The following TCF3 variants were observed in gnomAD, a reference collection of about 807,000 sequenced individuals.
The protein encoded by TCF3 is transcription factor 3.
A neutral mutation model predicts 72.3 loss-of-function variants in TCF3; 54 were observed. That is an observed-to-expected ratio of 0.75 (90% CI 0.60 to 0.94). The LOEUF (loss-of-function observed/expected upper bound fraction) is 0.94. Among genes scored for constraint, TCF3 ranks in the 40% least tolerant of loss-of-function variants. The pLI, the probability that TCF3 is intolerant of heterozygous loss-of-function variation, is 0.00. For synonymous variants in TCF3, 525 were observed against 412.6 expected (o/e 1.27, Z -3.30); for missense variants, 1,078 against 934.4 (o/e 1.15, Z -2.00).
chr19:1,646,168 C>G (rs2066060208), intron 3 of TCF3, among the ~76,000 whole-genome samples, 187 bp downstream of exon 3: 1 of 152,202 alleles, frequency 6.6e-6, no homozygotes, highest in Non-Finnish European at 1.5e-5. Context: ...GCTCCCAAGG[C>G]AGGTCACACG....
intron 3 of TCF3, among the ~76,000 whole-genome samples, chr19:1,642,275 C>T (rs1222138691): frequency 6.6e-6 from 1 of 151,508 alleles, no homozygotes; most frequent in South Asian, 2.1e-4. Context: ...CGCACGCACA[C>T]GCACAGACGC....
Position 1,615,707 on chromosome 19 carries a change from T to C in TCF3, c.1565A>G (p.Lys522Arg), listed in dbSNP as rs985503610. ...GCACCTGGTCCGGGCCCGGGGGGCC[T>C]TCAGCTCCTTCTTCTCCTCCTCCGA... Reference protein sequence around the residue: ...DHSEEEKKELKAPRARTSPDE... With the variant: ...DHSEEEKKELRAPRARTSPDE... The change falls in exon 17 of 19, where the codon AAG becomes AGG. Residue 522 changes from lysine (K) to arginine (R), a missense_variant. Lys to Arg is a conservative substitution (Grantham distance 26). Coordinates refer to ENST00000262965, the MANE Select transcript of TCF3 (RefSeq NM_003200.5). This position sits in a 1 kb window ranked among gnomAD's most constrained non-coding sequence, Gnocchi z 7.3. The C allele has an allele frequency of 6.2e-7, 1 of 1,613,308 alleles. No homozygotes were observed. The highest frequency in any genetic ancestry group is 8.5e-7 in the Non-Finnish European group (1 of 1,179,598).
intron 3 of TCF3, among the ~76,000 whole-genome samples, chr19:1,645,929 C>G (rs987964795): frequency 1.3e-5 from 2 of 152,158 alleles, no homozygotes; most frequent in South Asian, 2.1e-4. Context: ...TGAAAGTCGT[C>G]GAGGCTCACA....
chr19:1,625,591 C>T lies in TCF3; in HGVS notation c.484G>A (p.Ala162Thr), dbSNP rs1382142436. The T allele has an allele frequency of 1.3e-6, 2 of 1,584,970 alleles. No individual in the cohort carries two copies. Among genetic ancestry groups the T allele is most frequent in the Admixed American group, 1.8e-5 (1 of 56,918 alleles). The change falls in exon 7 of 19, where the codon GCA (alanine) becomes ACA (threonine). Residue 162 changes from alanine (A) to threonine (T), a missense_variant. Coordinates refer to ENST00000262965, the MANE Select transcript of TCF3 (RefSeq NM_003200.5). ...CCCCGCTCACCTAGGCTGCCGTCTGCCGCTCTCCGCCGGGAGCTGCCGGAG... is the reference window on the plus strand; with the variant it reads ...CCCCGCTCACCTAGGCTGCCGTCTGTCGCTCTCCGCCGGGAGCTGCCGGAG... ...SYSGSSRRRAADGSLDTQPKK... is the reference protein window; with the variant it reads ...SYSGSSRRRATDGSLDTQPKK...
At position 1,611,855 on chromosome 19, in the gene TCF3, G is replaced by A. The variant is rs771573342; in HGVS notation, c.1823-6C>T. 3.1e-6 allele frequency: 5 copies of A among 1,608,324 alleles called. No individual in the cohort carries two copies. The highest frequency in any genetic ancestry group is 2.7e-5 in the African/African-American group (2 of 74,418). On this transcript the variant is annotated splice_polypyrimidine_tract_variant and splice_region_variant and intron_variant, in intron 18 of 18. Transcript: ENST00000262965. ...TTTGGGATTCAGGTTCCGCTCTGGA[G>A]GGAGGGGGGAGAGCTCTGTGGGAGA...
intron 16 of TCF3, among the ~76,000 whole-genome samples, chr19:1,617,252 C>T (rs1006993741): frequency 7.2e-5 from 11 of 152,314 alleles, no homozygotes; most frequent in African/African-American, 2.2e-4. Flanking sequence ...GGCAGGAAAG[C>T]GTGATGTTGG....
chr19:1,646,779 G>C (rs2066172627), intron 2 of TCF3, among the ~76,000 whole-genome samples: 1 of 152,212 alleles, frequency 6.6e-6, no homozygotes, highest in South Asian at 2.1e-4. Context: ...CAACTTATCA[G>C]CTCTTGACAG....
At chr19:1,637,288 C>T (rs1316100229) in intron 3 of TCF3, among the ~76,000 whole-genome samples, 2 of 148,892 alleles carry the variant, frequency 1.3e-5, no homozygotes, top group Admixed American at 1.3e-4. Context: ...CCACCAGAAC[C>T]GGGGATGCCT....
chr19:1,638,730 T>TA (rs1180135812), intron 3 of TCF3, among the ~76,000 whole-genome samples: 1 of 152,196 alleles, frequency 6.6e-6, no homozygotes, highest in African/African-American at 2.4e-5. Context: ...ATCACGGCCT[T>TA]AAACGTGTTA....
intron 5 of TCF3, 168 bp downstream of exon 5, chr19:1,631,870 C>T (rs931764328): frequency 9.9e-6 from 15 of 1,509,810 alleles, no homozygotes; most frequent in Non-Finnish European, 9.8e-6. Context: ...GGCCACGTCC[C>T]CTGCACCTCC....
chr19:1,612,361 C>A (rs547044513), intron 18 of TCF3: 1 of 1,613,832 alleles, frequency 6.2e-7, no homozygotes, highest in Non-Finnish European at 8.5e-7. Flanking sequence ...CCCGCTCCCG[C>A]GCGTTATTGG....
At chr19:1,623,726 CTT>C (rs979569110) in intron 8 of TCF3, among the ~76,000 whole-genome samples, 2 of 152,182 alleles carry the variant, frequency 1.3e-5, no homozygotes, top group Non-Finnish European at 2.9e-5. Context: ...CCAGGACTGC[CTT>C]TCTCTCAAAA....
At chr19:1,651,964 C>T (rs1453101403) in intron 1 of TCF3, among the ~76,000 whole-genome samples, 2 of 151,214 alleles carry the variant, frequency 1.3e-5, no homozygotes, top group Non-Finnish European at 1.5e-5. Context: ...CCCCGTGCGC[C>T]CGGGCTGGGG....
chr19:1,642,373 G>A (rs1008490423), intron 3 of TCF3, among the ~76,000 whole-genome samples: 8 of 152,322 alleles, frequency 5.3e-5, no homozygotes, highest in South Asian at 2.1e-4. Context: ...ATCTGTGGAC[G>A]GCACCAATGT....
chr19:1,647,861 T>C (rs961139173), intron 2 of TCF3, among the ~76,000 whole-genome samples: 4 of 152,154 alleles, frequency 2.6e-5, no homozygotes, highest in African/African-American at 7.2e-5. Context: ...TTTCCTCTTC[T>C]GAGAAATGGA....
intron 3 of TCF3, among the ~76,000 whole-genome samples, chr19:1,642,159 C>G (rs980914828): frequency 1.3e-5 from 2 of 151,514 alleles, no homozygotes; most frequent in Admixed American, 6.6e-5. Context: ...CACACACACA[C>G]ACACACGCAC....
rs1052743 is a variant in TCF3 at position 1,615,459 on chromosome 19, G to A, written c.1648C>T (p.Arg550Cys). The change falls in exon 18 of 19, where the codon CGC becomes TGC. Residue 550 changes from arginine to cysteine, a missense_variant. Coordinates refer to ENST00000262965, the MANE Select transcript of TCF3 (RefSeq NM_003200.5). The surrounding 1 kb of genome is among the most constrained non-coding windows in gnomAD (Gnocchi z 7.3). Reference sequence around the variant, plus strand: ...TCCCGGGCGTTATTGGCCACCCGGCGCTCCTTCTCCCGCTCGGCCTTCTGC... The same window carrying A: ...TCCCGGGCGTTATTGGCCACCCGGCACTCCTTCTCCCGCTCGGCCTTCTGC... ...PEQKAEREKE[R>C]RVANNARERL... 8 of 1,612,772 alleles carry A rather than the reference G, an allele frequency of 5.0e-6. No homozygotes were observed. The highest frequency in any genetic ancestry group is 2.2e-5 in the East Asian group (1 of 44,878).
rs1216008074 is a variant in TCF3, at chr19:1,615,790, G to A, written c.1482C>T (p.Ala494=). Residue 494 remains alanine, a synonymous_variant, in exon 17 of 19, where the codon GCC becomes GCT. Transcript: ENST00000262965. This position sits in a 1 kb window ranked among gnomAD's most constrained non-coding sequence, Gnocchi z 7.3. ...GLGRAGATAA[A]SEIKREEKED... Reference sequence around the variant, plus strand: ...CCTTCTCCTCCCGCTTGATCTCGCTGGCGGCCGCCGTGGCACCTGCTCGCC... The same window carrying A: ...CCTTCTCCTCCCGCTTGATCTCGCTAGCGGCCGCCGTGGCACCTGCTCGCC... The A allele has an allele frequency of 2.5e-6, 4 of 1,579,444 alleles. No individual in the cohort carries two copies. Among genetic ancestry groups the A allele is most frequent in the Non-Finnish European group, 3.5e-6 (4 of 1,159,378 alleles).
chr19:1,627,594 C>A lies in TCF3; in HGVS notation c.299-168G>T, dbSNP rs115567905. On this transcript the variant is annotated intron_variant, in intron 5 of 18. Transcript: ENST00000262965. ...ACCCCAGTGTGCCCATCTCGGGGAG[C>A]CCTGGCCCCAGTATGCCCATCTCCC... Among the ~76,000 whole-genome samples the A allele has an allele frequency of 5.8e-3, 887 of 151,892 alleles. 10 individuals carry two copies. The highest frequency in any genetic ancestry group is 0.02 in the African/African-American group (838 of 41,350).
Sources: gnomAD v4.1 joint callset for allele counts (sites outside exome capture counted in the v4.1 genomes callset) on GRCh38, gnomAD v4.1.1 for gene constraint, Gnocchi (gnomAD v3.1) non-coding constraint, MANE v1.5 for transcripts, NCBI Gene and HGNC (gene_info 2026-07-23, HGNC 2026-07-21) for gene names.